The following LRRC4C variants were observed in gnomAD, a reference collection of about 807,000 sequenced individuals.
LRRC4C encodes leucine-rich repeat-containing protein 4C.
LRRC4C carries 5 observed loss-of-function variants against 33.6 expected under a neutral mutation model. The observed-to-expected ratio is 0.15, with a 90% CI of 0.08 to 0.31. LRRC4C has a LOEUF of 0.31. LRRC4C is among the 10% of genes least tolerant of loss of function. The pLI is 1.00. For synonymous variants in LRRC4C, 329 were observed against 302.0 expected, an observed-to-expected ratio of 1.09 and a Z score of -0.93; for missense variants, 560 against 796.7, an observed-to-expected ratio of 0.70 and a Z score of 3.58.
intron 1 of LRRC4C, among the ~76,000 whole-genome samples, chr11:41,205,746 AG>A (rs957695840): frequency 3.8e-4 from 58 of 152,314 alleles, no homozygotes; most frequent in Admixed American, 3.5e-3. Context: ...GAGTACTCCA[AG>A]GGTTTCCAGT....
At chr11:41,112,918 AT>A (rs1941922070) in intron 1 of LRRC4C, among the ~76,000 whole-genome samples, 3 of 152,190 alleles carry the variant, frequency 2.0e-5, no homozygotes, top group Admixed American at 2.0e-4. Flanking sequence ...GCACGTGTAC[AT>A]TTATTAATTT....
At chr11:41,158,822 A>G (rs903615047) in intron 1 of LRRC4C, among the ~76,000 whole-genome samples, 4 of 152,202 alleles carry the variant, frequency 2.6e-5, no homozygotes, top group African/African-American at 9.6e-5. Flanking sequence ...AGGAAAAAAT[A>G]TAATACACAA....
intron 3 of LRRC4C, among the ~76,000 whole-genome samples, chr11:40,431,137 T>TAA (rs750121954): frequency 3.1e-5 from 4 of 130,952 alleles, no homozygotes; most frequent in African/African-American, 5.6e-5. Context: ...CATTGTACTT[T>TAA]AAAAAAAAAA....
intron 1 of LRRC4C, among the ~76,000 whole-genome samples, chr11:41,045,284 G>A (rs1937329717): frequency 6.6e-6 from 1 of 151,778 alleles, no homozygotes; most frequent in Non-Finnish European, 1.5e-5. Flanking sequence ...AAGACCATGG[G>A]GCATAGATAA....
At chr11:40,528,842 G>C (rs901954521) in intron 3 of LRRC4C, among the ~76,000 whole-genome samples, 1 of 152,074 alleles carries the variant, frequency 6.6e-6, no homozygotes, top group Non-Finnish European at 1.5e-5. Context: ...GGAACAGCAT[G>C]GATGAACCTG....
At chr11:40,979,616 A>C (rs888328743) in intron 1 of LRRC4C, among the ~76,000 whole-genome samples, 1 of 152,200 alleles carries the variant, frequency 6.6e-6, no homozygotes, top group African/African-American at 2.4e-5. Flanking sequence ...TGAAAATTTG[A>C]GAAGCCCGAA....
intron 4 of LRRC4C, among the ~76,000 whole-genome samples, chr11:40,308,001 T>C (rs1362536736): frequency 4.6e-5 from 7 of 152,224 alleles, no homozygotes; most frequent in Admixed American, 3.3e-4. Context: ...GTGATTTGCC[T>C]ACTGATGGAA....
At chr11:40,232,089 C>G (rs920633735) in intron 5 of LRRC4C, among the ~76,000 whole-genome samples, 1 of 152,152 alleles carries the variant, frequency 6.6e-6, no homozygotes, top group South Asian at 2.1e-4. Flanking sequence ...TCGCTGCAAC[C>G]TCTGCCTCCT....
In LRRC4C at chr11:40,567,348, G is replaced by A. The variant is rs528770863; in HGVS notation, c.-270+80794C>T. Among the ~76,000 whole-genome samples the A allele has an allele frequency of 2.0e-5, 3 of 152,220 alleles. No homozygotes were observed. The East Asian group carries it at 5.8e-4, about 29-fold the overall frequency. ...GCCAAGTACAGAAAAAAAAGGCAAT[G>A]CAAGCCAGGCAAAGATTATTGAATG... On this transcript the variant is annotated intron_variant, in intron 3 of 6. Coordinates refer to ENST00000528697, the MANE Select transcript of LRRC4C (RefSeq NM_001258419.2).
At position 40,114,407 on chromosome 11, in the gene LRRC4C, A is replaced by G. The variant is rs749874576; in HGVS notation, c.1886T>C (p.Met629Thr). 11 of 1,613,774 alleles carry G rather than the reference A, an allele frequency of 6.8e-6. No homozygotes were observed. Among genetic ancestry groups the G allele is most frequent in the Non-Finnish European group, 8.5e-6 (10 of 1,179,970 alleles). ...CTCTTGTACATTGTCTTTAGAGTTCATTCGGATCAATAACGGTTCATGCAC... is the reference window on the plus strand; with the variant it reads ...CTCTTGTACATTGTCTTTAGAGTTCGTTCGGATCAATAACGGTTCATGCAC... ...SSVHEPLLIRMNSKDNVQETQ... is the reference protein window; with the variant it reads ...SSVHEPLLIRTNSKDNVQETQ... The change falls in exon 7 of 7, where the codon ATG becomes ACG. Residue 629 changes from methionine to threonine, a missense_variant. By Grantham distance (81) the Met-to-Thr change is moderately conservative. This residue lies in a region of LRRC4C where 103 missense variants were observed against 132.1 expected (regional missense o/e 0.78). Coordinates refer to ENST00000528697, the MANE Select transcript of LRRC4C (RefSeq NM_001258419.2).
chr11:40,484,116 G>A (rs1953733599), intron 3 of LRRC4C, among the ~76,000 whole-genome samples: 1 of 152,100 alleles, frequency 6.6e-6, no homozygotes, highest in African/African-American at 2.4e-5. Context: ...ATACCTGGTA[G>A]AAGTAAAAAA....
chr11:41,262,541 T>TA (rs2136748108), intron 1 of LRRC4C, among the ~76,000 whole-genome samples: 1 of 152,256 alleles, frequency 6.6e-6, no homozygotes, highest in South Asian at 2.1e-4. Flanking sequence ...ATAACTTTTT[T>TA]ATCCTCTAAC....
chr11:40,525,675 T>C (rs1221283238), intron 3 of LRRC4C, among the ~76,000 whole-genome samples: 2 of 152,130 alleles, frequency 1.3e-5, no homozygotes, highest in Non-Finnish European at 2.9e-5. Flanking sequence ...TAATTTCTCT[T>C]TAAAACATTT....
rs1052929940 is a variant in LRRC4C at position 40,116,106 on chromosome 11, C to T, written c.187G>A (p.Val63Ile). Reference sequence around the variant, plus strand: ...GGAACCTCACGCAGGTTTTTCCGAACACAAATCACCTTGCTGAACTGGTTG... The same window carrying T: ...GGAACCTCACGCAGGTTTTTCCGAATACAAATCACCTTGCTGAACTGGTTG... ...CSNQFSKVICVRKNLREVPDG... is the reference protein window; with the variant it reads ...CSNQFSKVICIRKNLREVPDG... Residue 63 changes from valine (V) to isoleucine (I), a missense_variant, in exon 7 of 7, where the codon GTT becomes ATT. Physicochemically the swap from Val to Ile is conservative, Grantham distance 29. This residue lies in a region of LRRC4C where 455 missense variants were observed against 643.8 expected (regional missense o/e 0.71). Transcript: ENST00000528697. The T allele has an allele frequency of 1.9e-6, 3 of 1,614,042 alleles. No individual in the cohort carries two copies.
At chr11:40,530,405 C>T (rs1956226497) in intron 3 of LRRC4C, among the ~76,000 whole-genome samples, 1 of 151,938 alleles carries the variant, frequency 6.6e-6, no homozygotes, top group African/African-American at 2.4e-5. Context: ...GGTCCTAAAA[C>T]TCTCCCTTTA....
In LRRC4C at chr11:40,561,735, C is replaced by T. The variant is rs368521673; in HGVS notation, c.-270+86407G>A. Among the ~76,000 whole-genome samples, 40 of 152,156 alleles carry T rather than the reference C, an allele frequency of 2.6e-4. 2 individuals are homozygous for T. Among genetic ancestry groups the T allele is most frequent in the African/African-American group, 9.6e-4 (40 of 41,526 alleles). On this transcript the variant is annotated intron_variant, in intron 3 of 6. Coordinates refer to ENST00000528697, the MANE Select transcript of LRRC4C (RefSeq NM_001258419.2). ...CCCGTTGTTGTTGTTTTAAAGTAGACTCCTAAAGAAGGAGATTAGATAAAC... is the reference window on the plus strand; with the variant it reads ...CCCGTTGTTGTTGTTTTAAAGTAGATTCCTAAAGAAGGAGATTAGATAAAC...
intron 1 of LRRC4C, among the ~76,000 whole-genome samples, chr11:41,005,461 G>A (rs1051324276): frequency 3.3e-5 from 5 of 152,050 alleles, no homozygotes; most frequent in Admixed American, 6.6e-5. Flanking sequence ...AAAATTAGCC[G>A]GGCGTGGTGG....
intron 3 of LRRC4C, among the ~76,000 whole-genome samples, chr11:40,562,713 C>T (rs1027879621): frequency 2.0e-5 from 3 of 152,264 alleles, no homozygotes; most frequent in Non-Finnish European, 2.9e-5. Context: ...CCAGCTGCTG[C>T]AACTTCAGAC....
chr11:41,173,875 C>T (rs902045345), intron 1 of LRRC4C, among the ~76,000 whole-genome samples: 5 of 151,924 alleles, frequency 3.3e-5, no homozygotes, highest in Non-Finnish European at 5.9e-5. Context: ...CTAAAATGAA[C>T]AAAATAAATA....
Sources: gnomAD v4.1 joint callset for allele counts (sites outside exome capture counted in the v4.1 genomes callset) on GRCh38, gnomAD v4.1.1 for gene constraint, gnomAD v4.1.1 regional missense constraint, MANE v1.5 for transcripts, NCBI Gene and HGNC (gene_info 2026-07-23, HGNC 2026-07-21) for gene names.